Variants in LIN28B observed in about 807,000 individuals in gnomAD.
LIN28B encodes the protein protein lin-28 homolog B.
In LIN28B, 5 loss-of-function variants were observed where a neutral mutation model predicts 21.9. The ratio of observed to expected loss-of-function variants is 0.23; its 90% CI spans 0.12 to 0.48. The LOEUF is 0.48. Ranked by LOEUF, LIN28B falls within the 20% of genes least tolerant of loss-of-function variation. The pLI, the probability that LIN28B is intolerant of heterozygous loss-of-function variation, is 0.98. For synonymous variants in LIN28B, 109 were observed against 111.3 expected (o/e 0.98, Z 0.13); for missense variants, 245 against 310.5 (o/e 0.79, Z 1.58).
In LIN28B at chr6:104,958,110, A is replaced by G. The variant is rs780825868; in HGVS notation, c.22A>G (p.Lys8Glu). MAEGGAS[K>E]GGGEEPGKLP... is the part of the protein sequence containing the mutation. ...CTGTTCCTTCTCAGGCGGGGCTAGC[A>G]AAGGTGGTGGAGAAGAGCCCGGGAA... Residue 8 changes from lysine to glutamate, a missense_variant, in exon 2 of 4, where the codon AAA becomes GAA. Transcript: ENST00000345080. 4 of 1,588,010 alleles carry G rather than the reference A, an allele frequency of 2.5e-6. No homozygotes were observed. The highest frequency in any genetic ancestry group is 2.7e-5 in the African/African-American group (2 of 74,624).
At chr6:104,938,481 A>G (rs1254210436) in intron 2 of LIN28B, among the ~76,000 whole-genome samples, 2 of 151,970 alleles carry the variant, frequency 1.3e-5, no homozygotes, top group Non-Finnish European at 2.9e-5. Flanking sequence ...TTTACTAAAA[A>G]TACAAAAATT....
chr6:105,063,264 C>T (rs1312543766), intron 3 of LIN28B, among the ~76,000 whole-genome samples: 1 of 151,986 alleles, frequency 6.6e-6, no homozygotes, highest in Non-Finnish European at 1.5e-5. Flanking sequence ...CTTCTCTCTG[C>T]CATTATGGAC....
intron 2 of LIN28B, chr6:104,940,517 ACCGCGGCCGCGCTCG>A (rs1414836304): frequency 6.6e-6 from 1 of 152,010 alleles, no homozygotes; most frequent in East Asian, 1.9e-4. Flanking sequence ...GTAAAGCTCC[ACCGCGGCCGCGCTCG>A]CCCGCCCGGC....
intron 3 of LIN28B, among the ~76,000 whole-genome samples, chr6:105,035,373 G>A (rs1289614916): frequency 6.6e-6 from 1 of 152,046 alleles, no homozygotes; most frequent in Non-Finnish European, 1.5e-5. Context: ...CTGTTTAGTA[G>A]GTTCCTATTG....
At chr6:104,986,417 A>G (rs1189154574) in intron 2 of LIN28B, among the ~76,000 whole-genome samples, 6 of 152,100 alleles carry the variant, frequency 3.9e-5, no homozygotes, top group African/African-American at 1.4e-4. Flanking sequence ...GTTACTTTAT[A>G]GTAAGACAGC....
Position 105,079,671 on chromosome 6 carries a change from G to A in LIN28B, c.*888G>A, listed in dbSNP as rs1772503674. 1 of 152,626 alleles carries A rather than the reference G, an allele frequency of 6.6e-6. No individual in the cohort carries two copies. Among genetic ancestry groups the A allele is most frequent in the South Asian group, 2.1e-4 (1 of 4,822 alleles). 9.5% of individuals were successfully genotyped at this position (152,626 alleles called of 1,614,324 possible). On this transcript the variant is annotated 3_prime_UTR_variant, in exon 4 of 4. Coordinates refer to ENST00000345080, the MANE Select transcript of LIN28B (RefSeq NM_001004317.4). ...CATGTTGTGAGGGTTGTAAGGGATT[G>A]TGTGGCAACAGCAGCTTCCCTTGGC...
chr6:105,068,688 A>C (rs750160548), intron 3 of LIN28B, among the ~76,000 whole-genome samples: 2 of 152,208 alleles, frequency 1.3e-5, no homozygotes, highest in Non-Finnish European at 2.9e-5. Flanking sequence ...ATTTGATAAT[A>C]CTGAGCACCT....
chr6:105,039,473 T>A lies in LIN28B; in HGVS notation c.383+12991T>A, dbSNP rs185955725. Among the ~76,000 whole-genome samples the A allele has an allele frequency of 2.6e-5, 4 of 152,292 alleles. No individual in the cohort carries two copies. In the East Asian group the frequency reaches 7.7e-4, roughly 29 times the overall value. On this transcript the variant is annotated intron_variant, in intron 3 of 3. Transcript: ENST00000345080. Reference sequence around the variant, plus strand: ...ACCCTACTGTATTGTTGAATAAAAATGTAAGTTGCACAGAGTGTATGAAAT... The same window carrying A: ...ACCCTACTGTATTGTTGAATAAAAAAGTAAGTTGCACAGAGTGTATGAAAT...
At chr6:104,990,565 T>TA (rs977999474) in intron 2 of LIN28B, among the ~76,000 whole-genome samples, 1 of 106,622 alleles carries the variant, frequency 9.4e-6, no homozygotes, top group African/African-American at 3.2e-5. Context: ...GTTTTTTATT[T>TA]TTTATTTTTT....
chr6:105,067,907 A>G (rs749505739), intron 3 of LIN28B, among the ~76,000 whole-genome samples: 30 of 151,910 alleles, frequency 2.0e-4, no homozygotes, highest in Non-Finnish European at 4.1e-4. Context: ...CTCCCCTTCC[A>G]TGTCTTGTTT....
chr6:105,063,643 G>C (rs971516932), intron 3 of LIN28B, among the ~76,000 whole-genome samples: 33 of 141,448 alleles, frequency 2.3e-4, no homozygotes, highest in African/African-American at 7.0e-4. Flanking sequence ...CTCGGGGGGG[G>C]GGGGGAAAAA....
intron 3 of LIN28B, among the ~76,000 whole-genome samples, chr6:105,063,644 G>A (rs55661787): frequency 1.1e-4 from 15 of 141,446 alleles, no homozygotes; most frequent in African/African-American, 3.6e-4. Flanking sequence ...TCGGGGGGGG[G>A]GGGGAAAAAA....
chr6:104,955,148 T>C (rs542091055), upstream of LIN28B, among the ~76,000 whole-genome samples: 26 of 152,370 alleles, frequency 1.7e-4, no homozygotes, highest in South Asian at 5.2e-3. Context: ...TGTCACAAGC[T>C]TAGCCTGTAA....
rs561792900 is a variant in LIN28B at position 104,948,379 on chromosome 6, A to G, written c.19-2082A>G. Among the ~76,000 whole-genome samples the G allele has an allele frequency of 3.9e-5, 6 of 152,320 alleles. No homozygotes were observed. In the East Asian group the frequency reaches 1.2e-3, roughly 29 times the overall value. On this transcript the variant is annotated intron_variant, in intron 2 of 5. Coordinates refer to the LIN28B transcript ENST00000635857. ...CTACTCGGGAGGCCGAGGCAGGAGA[A>G]TCGCTTAAACCCAGGAGGCAGAGGT...
At chr6:105,006,743 C>T (rs1334409218) in intron 2 of LIN28B, among the ~76,000 whole-genome samples, 1 of 152,032 alleles carries the variant, frequency 6.6e-6, no homozygotes, top group Non-Finnish European at 1.5e-5. Flanking sequence ...ACTTCAGGAC[C>T]CAGAAGATGG....
At chr6:105,037,390 C>G (rs1356944246) in intron 3 of LIN28B, among the ~76,000 whole-genome samples, 1 of 152,166 alleles carries the variant, frequency 6.6e-6, no homozygotes, top group Non-Finnish European at 1.5e-5. Context: ...CTTCCAAATT[C>G]ACATTGGCAT....
At chr6:104,969,754 A>G (rs1769935355) in intron 2 of LIN28B, among the ~76,000 whole-genome samples, 1 of 152,220 alleles carries the variant, frequency 6.6e-6, no homozygotes, top group Non-Finnish European at 1.5e-5. Flanking sequence ...ATTAATTTGA[A>G]TGAGAGCTAT....
intron 2 of LIN28B, among the ~76,000 whole-genome samples, chr6:104,998,304 A>G (rs1770652990): frequency 6.6e-6 from 1 of 152,200 alleles, no homozygotes; most frequent in Admixed American, 6.5e-5. Context: ...AAGTTCAACT[A>G]AAAGAGGGAT....
intron 2 of LIN28B, among the ~76,000 whole-genome samples, chr6:104,989,929 G>A (rs890226060): frequency 1.3e-5 from 2 of 152,056 alleles, no homozygotes; most frequent in African/African-American, 4.8e-5. Flanking sequence ...GATTTTAAAC[G>A]CTTCTTTTCT....
Sources: allele counts gnomAD v4.1 joint callset (sites outside exome capture counted in the v4.1 genomes callset), GRCh38; gene constraint gnomAD v4.1.1; transcripts MANE v1.5; gene names NCBI Gene and HGNC (gene_info 2026-07-23, HGNC 2026-07-21).